Variants in PREX2 observed in about 807,000 individuals in gnomAD.
The protein encoded by PREX2 is phosphatidylinositol 3,4,5-trisphosphate-dependent Rac exchanger 2 protein.
A neutral mutation model predicts 203.2 loss-of-function variants in PREX2; 107 were observed. That is an observed-to-expected ratio of 0.53 (90% CI 0.45 to 0.62). The LOEUF (loss-of-function observed/expected upper bound fraction) is 0.62, where lower values mean the gene tolerates loss of function less well. Ranked by LOEUF, PREX2 falls within the 20% of genes least tolerant of loss-of-function variation. The pLI is 0.00. For synonymous variants in PREX2, 672 were observed against 663.6 expected (o/e 1.01, Z -0.19); for missense variants, 1,777 against 1,955.9 (o/e 0.91, Z 1.72).
chr8:67,983,301 A>G (rs892210642), intron 1 of PREX2, among the ~76,000 whole-genome samples: 2 of 63,894 alleles, frequency 3.1e-5, no homozygotes, highest in African/African-American at 1.1e-4. Flanking sequence ...GCATTCATGA[A>G]AAGAGACCTG....
At chr8:67,978,520 G>A (rs59171322) in intron 1 of PREX2, among the ~76,000 whole-genome samples, 55,943 of 151,824 alleles carry the variant, frequency 0.37, 10,561 homozygotes, top group East Asian at 0.6. Context: ...GGGATTATCC[G>A]TATTATTGAC....
At chr8:68,062,322 A>G (rs908650510) in intron 11 of PREX2, among the ~76,000 whole-genome samples, 2 of 152,200 alleles carry the variant, frequency 1.3e-5, no homozygotes, top group African/African-American at 4.8e-5. Context: ...AAACGGGGAT[A>G]TGATCAAAGC....
intron 23 of PREX2, chr8:68,102,865 A>G (rs752811804): frequency 2.5e-5 from 13 of 518,266 alleles, no homozygotes; most frequent in South Asian, 1.8e-4. Context: ...GTCAGACCTT[A>G]CTGATGACCT....
At chr8:68,191,356 T>C (rs1812288871) in intron 35 of PREX2, among the ~76,000 whole-genome samples, 1 of 152,376 alleles carries the variant, frequency 6.6e-6, no homozygotes, top group African/African-American at 2.4e-5. Context: ...TTGATCATTA[T>C]AAATATTAAT....
At chr8:68,123,562 T>C (rs1810821803) in intron 30 of PREX2, among the ~76,000 whole-genome samples, 1 of 151,982 alleles carries the variant, frequency 6.6e-6, no homozygotes, top group African/African-American at 2.4e-5. Context: ...ATATTACCAC[T>C]GACCCCACAG....
chr8:68,076,949 A>G (rs895651322), intron 14 of PREX2, among the ~76,000 whole-genome samples: 6 of 152,140 alleles, frequency 3.9e-5, no homozygotes, highest in African/African-American at 1.4e-4. Context: ...AGGTTTCTTC[A>G]GGGGTCCTCA....
At chr8:68,105,462 T>A (rs1366982452) in intron 23 of PREX2, 8 of 1,166,230 alleles carry the variant, frequency 6.9e-6, no homozygotes, top group African/African-American at 1.6e-5. Flanking sequence ...GCATTTGTAT[T>A]GAGCTACAAG....
chr8:68,057,452 A>G (rs1215658972), intron 10 of PREX2, among the ~76,000 whole-genome samples: 1 of 152,202 alleles, frequency 6.6e-6, no homozygotes, highest in Non-Finnish European at 1.5e-5. Context: ...AGAAATCTAT[A>G]GGCCAGGAAA....
intron 35 of PREX2, among the ~76,000 whole-genome samples, chr8:68,190,908 C>A (rs1018671499): frequency 6.6e-6 from 1 of 151,672 alleles, no homozygotes; most frequent in African/African-American, 2.4e-5. Context: ...ACAAGCAAAG[C>A]AAACACAGCG....
chr8:68,084,677 A>G (rs1809630132), intron 18 of PREX2, among the ~76,000 whole-genome samples: 1 of 152,170 alleles, frequency 6.6e-6, no homozygotes, highest in Non-Finnish European at 1.5e-5. Flanking sequence ...GCAGGAAAGA[A>G]GCACAGCAAT....
chr8:68,057,441 C>A (rs1305814427), intron 10 of PREX2, among the ~76,000 whole-genome samples: 1 of 152,172 alleles, frequency 6.6e-6, no homozygotes, highest in African/African-American at 2.4e-5. Context: ...ACCCCCAACT[C>A]AGAAATCTAT....
At chr8:67,952,850 G>T (rs1805393232) in intron 1 of PREX2, 1 of 475,410 alleles carries the variant, frequency 2.1e-6, no homozygotes, top group South Asian at 2.3e-5. Context: ...TCTTTTACCC[G>T]CCTCCCCAGT....
rs529222795 is a variant in PREX2 at position 68,102,598 on chromosome 8, A to G, written c.2715+2755A>G. ...TTTTTAATTTTCACACATATACTTTAAAACTATTATTAGCAACATATTTTT... is the reference window on the plus strand; with the variant it reads ...TTTTTAATTTTCACACATATACTTTGAAACTATTATTAGCAACATATTTTT... On this transcript the variant is annotated intron_variant, in intron 23 of 39. Coordinates refer to ENST00000288368, the MANE Select transcript of PREX2 (RefSeq NM_024870.4). Among the ~76,000 whole-genome samples the G allele has an allele frequency of 4.1e-4, 62 of 152,334 alleles. 1 individual carries two copies. The highest frequency in any genetic ancestry group is 1.3e-3 in the African/African-American group (53 of 41,586).
chr8:68,052,518 G>A (rs1381167658), intron 8 of PREX2, among the ~76,000 whole-genome samples: 1 of 152,100 alleles, frequency 6.6e-6, no homozygotes, highest in Non-Finnish European at 1.5e-5. Flanking sequence ...GAATGAAGTG[G>A]CTTTAAAGAG....
chr8:68,170,430 C>T (rs1476388362), intron 35 of PREX2, among the ~76,000 whole-genome samples: 1 of 152,206 alleles, frequency 6.6e-6, no homozygotes, highest in African/African-American at 2.4e-5. Context: ...GACCATTTTC[C>T]CCCGGTCTCC....
At chr8:68,202,982 C>G (rs569713690) in intron 37 of PREX2, among the ~76,000 whole-genome samples, 1 of 152,118 alleles carries the variant, frequency 6.6e-6, no homozygotes, top group African/African-American at 2.4e-5. Context: ...CTTTTTGTTC[C>G]ACGTGGGTCC....
intron 37 of PREX2, among the ~76,000 whole-genome samples, chr8:68,214,933 T>C (rs1162854518): frequency 6.6e-6 from 1 of 152,224 alleles, no homozygotes; most frequent in East Asian, 1.9e-4. Flanking sequence ...AATTGGAAGA[T>C]ACATAATGGT....
At chr8:68,069,736 C>T in intron 12 of PREX2, 99 bp from the exon 13 acceptor site, 2 of 591,448 alleles carry the variant, frequency 3.4e-6, no homozygotes, top group South Asian at 2.6e-5. Context: ...TGTGATGATT[C>T]TAAAATATTG....
intron 8 of PREX2, among the ~76,000 whole-genome samples, chr8:68,047,894 TA>T: frequency 6.6e-6 from 1 of 152,018 alleles, no homozygotes; most frequent in East Asian, 1.9e-4. Flanking sequence ...AGCCAACATG[TA>T]AACATCTTAA....
Sources: gnomAD v4.1 joint callset for allele counts (sites outside exome capture counted in the v4.1 genomes callset) on GRCh38, gnomAD v4.1.1 for gene constraint, MANE v1.5 for transcripts, NCBI Gene and HGNC (gene_info 2026-07-23, HGNC 2026-07-21) for gene names.